The following PMFBP1 variants were observed in gnomAD, a reference collection of about 807,000 sequenced individuals.
The protein encoded by PMFBP1 is polyamine-modulated factor 1-binding protein 1.
PMFBP1 carries 131 observed loss-of-function variants against 137.8 expected under a neutral mutation model. The ratio of observed to expected loss-of-function variants is 0.95; its 90% CI spans 0.82 to 1.10. The LOEUF is 1.10. PMFBP1 is among the 50% of genes least tolerant of loss of function. The probability of loss-of-function intolerance (pLI) is 0.00; values close to 1 mark genes in which losing one functional copy is unlikely to be tolerated. For missense variants in PMFBP1, 1,199 were observed against 1,175.4 expected (o/e 1.02, Z -0.29); for synonymous variants, 490 against 450.4 (o/e 1.09, Z -1.11).
the PMFBP1 span, among the ~76,000 whole-genome samples, chr16:72,192,727 C>G: frequency 2.6e-5 from 4 of 151,852 alleles, no homozygotes; most frequent in Admixed American, 6.6e-5. Context: ...TATGGTGAAA[C>G]CCCGTCTCTA....
At chr16:72,145,553 G>C (rs1341995858) in intron 5 of PMFBP1, among the ~76,000 whole-genome samples, 1 of 151,818 alleles carries the variant, frequency 6.6e-6, no homozygotes, top group African/African-American at 2.4e-5. Flanking sequence ...AGGAGATAGA[G>C]ACACAAAAAA....
intron 12 of PMFBP1, among the ~76,000 whole-genome samples, chr16:72,129,735 T>C (rs1031810689): frequency 3.9e-5 from 6 of 152,394 alleles, no homozygotes; most frequent in Non-Finnish European, 8.8e-5. Flanking sequence ...TGCTTCTTAC[T>C]GGTAATGGGA....
intron 9 of PMFBP1, among the ~76,000 whole-genome samples, chr16:72,133,966 T>A (rs989685088): frequency 6.6e-6 from 1 of 151,904 alleles, no homozygotes; most frequent in Non-Finnish European, 1.5e-5. Context: ...AAAATACAAA[T>A]GTTAGCCAGG....
At chr16:72,122,832 A>AAT (rs2042395385) in intron 19 of PMFBP1, 82 bp downstream of exon 19, 1 of 1,350,722 alleles carries the variant, frequency 7.4e-7, no homozygotes, top group African/African-American at 1.4e-5. Flanking sequence ...CCCCCTATCA[A>AAT]GGGCTAAAGC....
At chr16:72,154,506 AGGAC>A in intron 3 of PMFBP1, 47 bp from the exon 4 acceptor site, 1 of 1,582,810 alleles carries the variant, frequency 6.3e-7, no homozygotes, top group Non-Finnish European at 8.6e-7. Context: ...ATCATCACTA[AGGAC>A]GTATTCATTC....
chr16:72,163,954 CA>C (rs1277485733), intron 3 of PMFBP1, among the ~76,000 whole-genome samples: 1 of 151,520 alleles, frequency 6.6e-6, no homozygotes, highest in Non-Finnish European at 1.5e-5. Context: ...TAAAAGACTA[CA>C]AATTGGGTTC....
chr16:72,200,973 C>T, the PMFBP1 span, among the ~76,000 whole-genome samples: 5 of 152,152 alleles, frequency 3.3e-5, no homozygotes, highest in Non-Finnish European at 1.5e-5. Flanking sequence ...TCCCTGGGTG[C>T]TTTAGCCTGG....
chr16:72,163,944 T>C (rs2043102712), intron 3 of PMFBP1, among the ~76,000 whole-genome samples: 1 of 151,138 alleles, frequency 6.6e-6, no homozygotes, highest in African/African-American at 2.4e-5. Flanking sequence ...GGGTGAGGGA[T>C]AAAAGACTAC....
the PMFBP1 span, among the ~76,000 whole-genome samples, chr16:72,238,855 G>A: frequency 3.3e-5 from 5 of 152,154 alleles, no homozygotes; most frequent in Admixed American, 6.5e-5. Flanking sequence ...AATTGTCACA[G>A]CTTGGTGGGG....
intron 2 of PMFBP1, among the ~76,000 whole-genome samples, chr16:72,165,496 G>C (rs1287457680): frequency 6.6e-6 from 1 of 151,336 alleles, no homozygotes; most frequent in Non-Finnish European, 1.5e-5. Context: ...CTCACTGCAA[G>C]CTCCGCCTCC....
At chr16:72,169,924 A>C (rs2043197469) in intron 2 of PMFBP1, among the ~76,000 whole-genome samples, 1 of 152,158 alleles carries the variant, frequency 6.6e-6, no homozygotes, top group Admixed American at 6.5e-5. Flanking sequence ...TAAAAACAAA[A>C]TTGGCACACC....
intron 19 of PMFBP1, 97 bp from the exon 20 acceptor site, chr16:72,120,186 G>T: frequency 6.3e-7 from 1 of 1,576,958 alleles, no homozygotes; most frequent in Non-Finnish European, 8.6e-7. Flanking sequence ...AGGGAAGACA[G>T]CACAGATGCC....
At chr16:72,176,610 C>A (rs143790456), upstream of PMFBP1, among the ~76,000 whole-genome samples, 17 of 152,324 alleles carry the variant, frequency 1.1e-4, 1 homozygote, top group East Asian at 3.3e-3. Context: ...GACTTAATGC[C>A]TGGTGTTCCA....
At chr16:72,168,919 T>C (rs2043183103) in intron 2 of PMFBP1, among the ~76,000 whole-genome samples, 1 of 152,144 alleles carries the variant, frequency 6.6e-6, no homozygotes, top group Non-Finnish European at 1.5e-5. Flanking sequence ...CTCAAACATA[T>C]ATTTCAAAAT....
intron 7 of PMFBP1, among the ~76,000 whole-genome samples, chr16:72,138,442 C>T (rs887831843): frequency 3.9e-5 from 6 of 152,240 alleles, no homozygotes; most frequent in Non-Finnish European, 5.9e-5. Flanking sequence ...TCAGTCATGG[C>T]TGACTTAACA....
chr16:72,234,023 T>C, the PMFBP1 span, among the ~76,000 whole-genome samples: 2 of 152,198 alleles, frequency 1.3e-5, no homozygotes, highest in African/African-American at 4.8e-5. Context: ...CTACTATAAA[T>C]AATTTTGCTA....
At chr16:72,214,158 A>C in the PMFBP1 span, among the ~76,000 whole-genome samples, 1 of 152,066 alleles carries the variant, frequency 6.6e-6, no homozygotes, top group Non-Finnish European at 1.5e-5. Context: ...AGGACAGTAC[A>C]TGGGGGACAG....
rs914292280 is a variant in PMFBP1 at position 72,164,115 on chromosome 16, T to C, written c.165+649A>G. ...CAAGTCAGGTACCGCTGTGAGCAACTGGGCTCAGGTCCATGGAGGAAGTCT... is the reference window on the plus strand; with the variant it reads ...CAAGTCAGGTACCGCTGTGAGCAACCGGGCTCAGGTCCATGGAGGAAGTCT... On this transcript the variant is annotated intron_variant, in intron 3 of 20. Transcript: ENST00000237353. 6.6e-5 allele frequency among the ~76,000 whole-genome samples: 10 copies of C among 151,726 alleles called. No individual in the cohort carries two copies. The East Asian group carries it at 7.7e-4, about 12-fold the overall frequency.
At chr16:72,189,063 T>TA in the PMFBP1 span, among the ~76,000 whole-genome samples, 3 of 143,912 alleles carry the variant, frequency 2.1e-5, no homozygotes, top group Non-Finnish European at 4.6e-5. Flanking sequence ...TAGTGTTGAC[T>TA]TTTTTTTTTT....
Sources: gnomAD v4.1 joint callset for allele counts (sites outside exome capture counted in the v4.1 genomes callset) on GRCh38, gnomAD v4.1.1 for gene constraint, MANE v1.5 for transcripts, NCBI Gene and HGNC (gene_info 2026-07-23, HGNC 2026-07-21) for gene names.